Variants in MDN1 observed in about 807,000 individuals in gnomAD.
MDN1 encodes the protein midasin.
MDN1 carries 266 observed loss-of-function variants against 669.2 expected under a neutral mutation model. The ratio of observed to expected loss-of-function variants is 0.40; its 90% CI spans 0.36 to 0.44. The LOEUF is 0.44. MDN1 is among the 20% of genes least tolerant of loss of function. The pLI, the probability that MDN1 is intolerant of heterozygous loss-of-function variation, is 1.00. For synonymous variants in MDN1, 2,385 were observed against 2,457.1 expected (o/e 0.97, Z 0.87); for missense variants, 5,940 against 6,754.0 (o/e 0.88, Z 4.22).
At chr6:89,814,142 C>T (rs916935535) in intron 1 of MDN1, among the ~76,000 whole-genome samples, 4 of 152,074 alleles carry the variant, frequency 2.6e-5, no homozygotes, top group Non-Finnish European at 5.9e-5. Context: ...GAATCCTTCT[C>T]CATTCAGTCA....
At chr6:89,652,748 A>AC (rs1207588001) in intron 94 of MDN1, among the ~76,000 whole-genome samples, 1 of 152,204 alleles carries the variant, frequency 6.6e-6, no homozygotes, top group Non-Finnish European at 1.5e-5. Context: ...CAAGGACCAG[A>AC]CCCACCATCA....
intron 40 of MDN1, among the ~76,000 whole-genome samples, chr6:89,720,513 A>G (rs1814745036): frequency 6.6e-6 from 1 of 151,800 alleles, no homozygotes; most frequent in Admixed American, 6.6e-5. Flanking sequence ...CTATAACATT[A>G]TTTTTCTTGA....
rs958174107 is a variant in MDN1 at position 89,762,311 on chromosome 6, A to C, written c.2356+8T>G. On this transcript the variant is annotated splice_region_variant and intron_variant, in intron 16 of 101. Transcript: ENST00000369393. ...CCTCCCCCATGGCAGCCTGGGTCAC[A>C]TCCTTACCAGTTTCACTGTCTTTTC... is the stretch of plus-strand genomic sequence containing the variant. 17 of 1,612,732 alleles carry C rather than the reference A, an allele frequency of 1.1e-5. No individual in the cohort carries two copies. The highest frequency in any genetic ancestry group is 1.4e-5 in the Non-Finnish European group (17 of 1,179,134).
rs1426518649 is a variant in MDN1 at position 89,674,606 on chromosome 6, A to G, written c.12762-17T>C. On this transcript the variant is annotated splice_polypyrimidine_tract_variant and intron_variant, in intron 78 of 101. Coordinates refer to ENST00000369393, the MANE Select transcript of MDN1 (RefSeq NM_014611.3). ...AGGAGGTTCCTGTACAGAGAAACCC[A>G]TGGGAAAAACACAATGAATGGCACC... 6.6e-7 allele frequency: 1 copy of G among 1,512,860 alleles called. No individual in the cohort carries two copies. 93.7% of individuals were successfully genotyped at this position (1,512,860 alleles called of 1,614,324 possible). A position where few individuals can be genotyped will look rare whatever the true frequency, so the allele number is the denominator to read the frequency against.
chr6:89,687,549 C>T lies in MDN1; in HGVS notation c.11356-111G>A, dbSNP rs1442327229. The T allele has an allele frequency of 3.9e-6, 3 of 769,350 alleles. No homozygotes were observed. In the African/African-American group the frequency reaches 5.2e-5, roughly 13 times the overall value. The allele number at this position is 769,350 out of a possible 1,614,324, so 47.7% of individuals were successfully genotyped here. On this transcript the variant is annotated intron_variant, in intron 67 of 101. Transcript: ENST00000369393. ...GAGTGAAGACTACTGGGCCCTTAAACAACTTGCACCAATTGTAGGAATGAA... is the reference window on the plus strand; with the variant it reads ...GAGTGAAGACTACTGGGCCCTTAAATAACTTGCACCAATTGTAGGAATGAA...
At chr6:89,730,632 C>G (rs1355700907) in intron 35 of MDN1, 94 bp downstream of exon 35, 1 of 925,094 alleles carries the variant, frequency 1.1e-6, no homozygotes, top group East Asian at 2.5e-5. Flanking sequence ...CAAATATAAT[C>G]ATGAGTATTA....
intron 1 of MDN1, among the ~76,000 whole-genome samples, chr6:89,805,946 T>A (rs72919954): frequency 0.092 from 14,073 of 152,192 alleles, 848 homozygotes; most frequent in Non-Finnish European, 0.13. Context: ...ATACCTTTTT[T>A]TTTTCTTTTG....
chr6:89,675,697 T>C (rs941951043), intron 77 of MDN1, 118 bp from the exon 78 acceptor site: 7 of 747,718 alleles, frequency 9.4e-6, no homozygotes, highest in African/African-American at 8.7e-5. Context: ...AGAGGTGACA[T>C]ATTCATTTTT....
chr6:89,741,089 G>C (rs370897279), intron 31 of MDN1, among the ~76,000 whole-genome samples: 73 of 152,104 alleles, frequency 4.8e-4, no homozygotes, highest in East Asian at 1.5e-3. Context: ...AAAATTAGCA[G>C]ACTGTGCTGG....
intron 1 of MDN1, among the ~76,000 whole-genome samples, chr6:89,815,687 C>T (rs915086336): frequency 1.8e-4 from 28 of 152,212 alleles, no homozygotes; most frequent in African/African-American, 6.8e-4. Flanking sequence ...GCATCGTATA[C>T]TTGACCTTGA....
chr6:89,813,527 G>A (rs1309677600), intron 1 of MDN1, among the ~76,000 whole-genome samples: 6 of 150,008 alleles, frequency 4.0e-5, no homozygotes, highest in South Asian at 2.1e-4. Context: ...CTCCAGCCTG[G>A]GTGACAGAGC....
intron 19 of MDN1, among the ~76,000 whole-genome samples, chr6:89,758,029 C>G (rs1053238138): frequency 6.6e-6 from 1 of 152,128 alleles, no homozygotes; most frequent in Non-Finnish European, 1.5e-5. Flanking sequence ...GCCTGGGCAA[C>G]AGAGCAAGAC....
Position 89,718,891 on chromosome 6 carries a change from C to G in MDN1, c.6197G>C (p.Gly2066Ala). 6.2e-7 allele frequency: 1 copy of G among 1,614,058 alleles called. No individual in the cohort carries two copies. The highest frequency in any genetic ancestry group is 8.5e-7 in the Non-Finnish European group (1 of 1,180,004). ...VQMSWMVILV[G>A]PASVGKTSLV... ...GCTGGTCTTGCCCACAGAGGCTGGC[C>G]CGACCAGGATGACCATCCAGCTCAT... The change falls in exon 42 of 102, where the codon GGG becomes GCG. Residue 2066 changes from glycine to alanine, a missense_variant. By Grantham distance (60) the Gly-to-Ala change is moderately conservative. Coordinates refer to ENST00000369393, the MANE Select transcript of MDN1 (RefSeq NM_014611.3).
intron 80 of MDN1, among the ~76,000 whole-genome samples, chr6:89,672,997 AACAG>A (rs1810927685): frequency 6.6e-6 from 1 of 152,242 alleles, no homozygotes; most frequent in Non-Finnish European, 1.5e-5. Flanking sequence ...TCTAAGGGAA[AACAG>A]ACAGTGAGCT....
chr6:89,664,736 G>GA (rs929373728), intron 84 of MDN1, 108 bp from the exon 85 acceptor site: 692 of 784,544 alleles, frequency 8.8e-4, no homozygotes, highest in South Asian at 1.2e-3. Context: ...TCTGGGAGAG[G>GA]AAAAAAAAAG....
Position 89,671,068 on chromosome 6 carries a change from A to C in MDN1, c.13807T>G (p.Ser4603Ala). The C allele has an allele frequency of 1.2e-6, 2 of 1,613,972 alleles. No homozygotes were observed. Residue 4603 changes from serine to alanine, a missense_variant, in exon 83 of 102, where the codon TCC becomes GCC. Physicochemically the swap from Ser to Ala is moderately conservative, Grantham distance 99 (BLOSUM62 1). Transcript: ENST00000369393. ...TAAKHLFFSQ[S>A]CSLLVRLVPV... Reference sequence around the variant, plus strand: ...ACCAGGCGCACCAGCAAGGAACAGGATTGGCTGAAGAACTGAGACCAAAAC... The same window carrying C: ...ACCAGGCGCACCAGCAAGGAACAGGCTTGGCTGAAGAACTGAGACCAAAAC...
chr6:89,793,802 C>T lies in MDN1; in HGVS notation c.815G>A (p.Gly272Asp). Residue 272 changes from glycine to aspartate, a missense_variant, in exon 5 of 102, where the codon GGT becomes GAT. Around this residue, in one of 5 missense-constraint regions of MDN1, gnomAD observed 1,203 missense variants for 1,268.9 expected, o/e 0.95. Coordinates refer to ENST00000369393, the MANE Select transcript of MDN1 (RefSeq NM_014611.3). ...DLSPRVTAVC[G>D]VVLPGQLPAP... Reference sequence around the variant, plus strand: ...TGGCAGCTGCCCAGGCAGCACCACACCACAAACAGCTGTCACCCTAGGGGA... The same window carrying T: ...TGGCAGCTGCCCAGGCAGCACCACATCACAAACAGCTGTCACCCTAGGGGA... 6.2e-7 allele frequency: 1 copy of T among 1,614,132 alleles called. No individual in the cohort carries two copies. The highest frequency in any genetic ancestry group is 8.5e-7 in the Non-Finnish European group (1 of 1,180,012).
At chr6:89,721,127 G>C (rs1369102802) in intron 40 of MDN1, among the ~76,000 whole-genome samples, 1 of 152,156 alleles carries the variant, frequency 6.6e-6, no homozygotes, top group Non-Finnish European at 1.5e-5. Flanking sequence ...AACAAAGTCA[G>C]ACCCTGCCTC....
At chr6:89,792,505 C>T (rs1209122766) in intron 5 of MDN1, among the ~76,000 whole-genome samples, 3 of 151,640 alleles carry the variant, frequency 2.0e-5, no homozygotes, top group African/African-American at 7.3e-5. Context: ...TTACAGGATA[C>T]GTGGGGGGTA....
Sources: allele counts gnomAD v4.1 joint callset (sites outside exome capture counted in the v4.1 genomes callset), GRCh38; gene constraint gnomAD v4.1.1; regional missense constraint gnomAD v4.1.1; transcripts MANE v1.5; gene names NCBI Gene and HGNC (gene_info 2026-07-23, HGNC 2026-07-21).